The following NFIB variants were observed in gnomAD, a reference collection of about 807,000 sequenced individuals.
The protein encoded by NFIB is nuclear factor 1 B-type.
Under a neutral mutation model 61.5 loss-of-function variants are expected in NFIB, and 11 were observed. The observed-to-expected ratio is 0.18, with a 90% CI of 0.11 to 0.30. The LOEUF is 0.30. NFIB is among the 10% of genes least tolerant of loss of function. The pLI, the probability that NFIB is intolerant of heterozygous loss-of-function variation, is 1.00. For synonymous variants in NFIB, 260 were observed against 216.5 expected (o/e 1.20, Z -1.76); for missense variants, 471 against 608.9 (o/e 0.77, Z 2.38).
intron 1 of NFIB, among the ~76,000 whole-genome samples, chr9:14,350,339 A>G (rs2061091968): frequency 6.6e-6 from 1 of 152,196 alleles, no homozygotes; most frequent in Non-Finnish European, 1.5e-5. Context: ...TTTCTCTAAG[A>G]AAAAAACAGA....
intron 2 of NFIB, among the ~76,000 whole-genome samples, chr9:14,203,167 T>TTA (rs2049248139): frequency 6.6e-6 from 1 of 151,442 alleles, no homozygotes; most frequent in African/African-American, 2.4e-5. Context: ...GCCCCCACAT[T>TTA]TTTTTTTTCC....
intron 2 of NFIB, chr9:14,204,529 G>C (rs2049412263): frequency 7.6e-7 from 1 of 1,323,258 alleles, no homozygotes; most frequent in Non-Finnish European, 1.1e-6. Flanking sequence ...CAGCTACTCA[G>C]CTGCTTAAGC....
intron 3 of NFIB, among the ~76,000 whole-genome samples, chr9:14,165,902 C>A (rs1228410798): frequency 6.6e-6 from 1 of 152,060 alleles, no homozygotes; most frequent in Non-Finnish European, 1.5e-5. Flanking sequence ...TTCAGTTTTG[C>A]AAGATGAAAA....
intron 1 of NFIB, among the ~76,000 whole-genome samples, chr9:14,372,860 G>T (rs565303919): frequency 1.5e-3 from 225 of 151,864 alleles, no homozygotes; most frequent in African/African-American, 5.0e-3. Flanking sequence ...ACTCAGAGAA[G>T]AATAAAAAAA....
the NFIB span, among the ~76,000 whole-genome samples, chr9:14,454,538 C>A: frequency 6.6e-6 from 1 of 152,168 alleles, no homozygotes; most frequent in South Asian, 2.1e-4. Flanking sequence ...TGTTGCCTTA[C>A]CTATTTTATG....
chr9:14,266,130 A>T (rs2057181414), intron 2 of NFIB, among the ~76,000 whole-genome samples: 1 of 152,204 alleles, frequency 6.6e-6, no homozygotes, highest in South Asian at 2.1e-4. Context: ...TGTAGCCCTC[A>T]GATTCCCTCA....
rs2032417516 is a variant in NFIB, at chr9:14,083,817, C to T, written c.*4492G>A. ...CTTATGAAGCTACAAGTCACAAATC[C>T]AAGATTCTGCTCCCTGAGGACACGT... On this transcript the variant is annotated 3_prime_UTR_variant, in exon 11 of 11. Transcript: ENST00000380953. The T allele has an allele frequency of 4.4e-6, 1 of 226,298 alleles. No homozygotes were observed. The highest frequency in any genetic ancestry group is 8.8e-6 in the Non-Finnish European group (1 of 113,588). 14.0% of individuals were successfully genotyped at this position (226,298 alleles called of 1,614,324 possible).
chr9:14,143,201 G>T (rs1274374330), intron 6 of NFIB, among the ~76,000 whole-genome samples: 3 of 151,816 alleles, frequency 2.0e-5, no homozygotes, highest in Admixed American at 1.3e-4. Flanking sequence ...ATTACATAAG[G>T]ACATAATTAA....
intron 10 of NFIB, among the ~76,000 whole-genome samples, chr9:14,100,866 C>T (rs922891381): frequency 6.6e-6 from 1 of 152,166 alleles, no homozygotes; most frequent in Non-Finnish European, 1.5e-5. Flanking sequence ...GGTGCATTTA[C>T]AAACATGAGT....
intron 2 of NFIB, among the ~76,000 whole-genome samples, chr9:14,239,529 T>G (rs1183635796): frequency 6.6e-6 from 1 of 152,152 alleles, no homozygotes; most frequent in Non-Finnish European, 1.5e-5. Context: ...AGTCACTTAT[T>G]ATCTATGAAG....
intron 6 of NFIB, among the ~76,000 whole-genome samples, chr9:14,146,334 G>A (rs1009521512): frequency 2.6e-5 from 4 of 152,056 alleles, no homozygotes; most frequent in Admixed American, 2.0e-4. Context: ...TTGGCTCCCT[G>A]CAACGCTCCA....
At chr9:14,156,739 G>C (rs1299393145) in intron 3 of NFIB, among the ~76,000 whole-genome samples, 1 of 152,116 alleles carries the variant, frequency 6.6e-6, no homozygotes, top group Non-Finnish European at 1.5e-5. Flanking sequence ...TCTATGTTAA[G>C]GGGGTGTAAT....
intron 10 of NFIB, 25 bp from the exon 11 acceptor site, chr9:14,088,351 G>A (rs1457803960): frequency 6.8e-7 from 1 of 1,479,694 alleles, no homozygotes; most frequent in Non-Finnish European, 9.1e-7. Flanking sequence ...GAGGCAGCAG[G>A]GAGGGAAGAA....
chr9:14,103,924 C>CT lies in NFIB; in HGVS notation c.1467+9074dup, dbSNP rs539799484. 2.0e-3 allele frequency among the ~76,000 whole-genome samples: 289 copies of CT among 144,612 alleles called. 1 individual carries two copies. Among genetic ancestry groups the CT allele is most frequent in the South Asian group, 0.017 (75 of 4,520 alleles). 94.9% of individuals were successfully genotyped at this position (144,612 alleles called of 152,430 possible). A position where few individuals can be genotyped will look rare whatever the true frequency, so the allele number is the denominator to read the frequency against. On this transcript the variant is annotated intron_variant, in intron 10 of 10. Coordinates refer to ENST00000380953, the MANE Select transcript of NFIB (RefSeq NM_001190737.2). Reference sequence around the variant, plus strand: ...TAAATTAGAAAGAAAAATAAATATTCTTTTTTTTTTTTTGAGACAGTCTCA... The same window carrying CT: ...TAAATTAGAAAGAAAAATAAATATTCTTTTTTTTTTTTTTGAGACAGTCTCA...
intron 2 of NFIB, among the ~76,000 whole-genome samples, chr9:14,249,472 C>A (rs2055325321): frequency 6.6e-6 from 1 of 152,112 alleles, no homozygotes; most frequent in African/African-American, 2.4e-5. Context: ...ATTGTTCATT[C>A]TACTTTTTTT....
chr9:14,244,806 T>C (rs1014399021), intron 2 of NFIB, among the ~76,000 whole-genome samples: 72 of 152,304 alleles, frequency 4.7e-4, no homozygotes, highest in African/African-American at 1.7e-3. Flanking sequence ...TAAATACTAT[T>C]ATTGTTGTTC....
At chr9:14,179,706 T>C (rs2131436040) in intron 3 of NFIB, 21 bp downstream of exon 3, 1 of 1,613,014 alleles carries the variant, frequency 6.2e-7, no homozygotes, top group Non-Finnish European at 8.5e-7. Context: ...AGATTGCAAA[T>C]GTCCTGGAAC....
rs139746534 is a variant in NFIB, at chr9:14,313,095, C to G, written c.30+387G>C. Among the ~76,000 whole-genome samples, 2,441 of 152,340 alleles carry G rather than the reference C, an allele frequency of 0.016. 39 individuals are homozygous for G. Among genetic ancestry groups the G allele is most frequent in the African/African-American group, 0.037 (1,551 of 41,590 alleles). The stretch of plus-strand genomic sequence containing the variant: ...AAGCTTAGTCCCCCGTAAAGTCCTC[C>G]AAAGCCCGAGTCCACCTCAACGCGC... On this transcript the variant is annotated intron_variant, in intron 1 of 10. Coordinates refer to ENST00000380953, the MANE Select transcript of NFIB (RefSeq NM_001190737.2). This position sits in a 1 kb window ranked among gnomAD's most constrained non-coding sequence, Gnocchi z 4.5.
intron 2 of NFIB, among the ~76,000 whole-genome samples, chr9:14,296,135 C>A (rs981441697): frequency 3.9e-5 from 6 of 152,234 alleles, no homozygotes; most frequent in Non-Finnish European, 8.8e-5. Context: ...TGATGACCCT[C>A]TGCTTCATAT....
Sources: allele counts gnomAD v4.1 joint callset (sites outside exome capture counted in the v4.1 genomes callset), GRCh38; gene constraint gnomAD v4.1.1; non-coding constraint Gnocchi (gnomAD v3.1); transcripts MANE v1.5; gene names NCBI Gene and HGNC (gene_info 2026-07-23, HGNC 2026-07-21).